The following ADCY8 variants were observed in gnomAD, a reference collection of about 807,000 sequenced individuals.
ADCY8 encodes adenylate cyclase type 8.
In ADCY8, 51 loss-of-function variants were observed where a neutral mutation model predicts 119.7. The observed-to-expected ratio is 0.43, with a 90% CI of 0.34 to 0.54. The LOEUF (loss-of-function observed/expected upper bound fraction) is 0.54. ADCY8 is among the 20% of genes least tolerant of loss of function. The pLI, the probability that ADCY8 is intolerant of heterozygous loss-of-function variation, is 0.03. For missense variants in ADCY8, 1,383 were observed against 1,598.8 expected, an observed-to-expected ratio of 0.87 and a Z score of 2.30; for synonymous variants, 665 against 651.0, an observed-to-expected ratio of 1.02 and a Z score of -0.33.
chr8:131,037,863 G>T (rs1824211886), intron 1 of ADCY8, among the ~76,000 whole-genome samples: 1 of 152,136 alleles, frequency 6.6e-6, no homozygotes, highest in African/African-American at 2.4e-5. Context: ...AGACTTATTT[G>T]TTATATGTAG....
In ADCY8 at chr8:130,864,973, A is replaced by T. The variant is rs180771145; in HGVS notation, c.2210+2873T>A. On this transcript the variant is annotated intron_variant, in intron 9 of 17. Coordinates refer to ENST00000286355, the MANE Select transcript of ADCY8 (RefSeq NM_001115.3). ...ATGAAGTAAATAGATATTTTCTGTG[A>T]GGATTTATATCACTCTGGCTGGGAG... Among the ~76,000 whole-genome samples, 104 of 152,246 alleles carry T rather than the reference A, an allele frequency of 6.8e-4. 1 individual carries two copies. The highest frequency in any genetic ancestry group is 2.4e-3 in the African/African-American group (99 of 41,552).
chr8:130,884,022 G>C (rs1818881222), intron 8 of ADCY8, among the ~76,000 whole-genome samples: 1 of 143,358 alleles, frequency 7.0e-6, no homozygotes, highest in Non-Finnish European at 1.5e-5. Flanking sequence ...GGCAGAGGTG[G>C]AATTCAAATT....
At chr8:130,849,138 C>A (rs532399795) in intron 10 of ADCY8, among the ~76,000 whole-genome samples, 20 of 152,140 alleles carry the variant, frequency 1.3e-4, no homozygotes, top group African/African-American at 4.1e-4. Context: ...TCAGACAGAC[C>A]TTATTATCAA....
At chr8:130,937,782 A>T (rs150153709) in intron 4 of ADCY8, among the ~76,000 whole-genome samples, 1 of 152,178 alleles carries the variant, frequency 6.6e-6, no homozygotes, top group Non-Finnish European at 1.5e-5. Context: ...TTAAAAATCA[A>T]TTGGGCACCT....
intron 12 of ADCY8, among the ~76,000 whole-genome samples, chr8:130,834,830 G>A (rs192749295): frequency 1.6e-4 from 25 of 152,180 alleles, no homozygotes; most frequent in East Asian, 3.9e-4. Context: ...TTATATGTGC[G>A]TGTGTATATA....
intron 15 of ADCY8, among the ~76,000 whole-genome samples, 200 bp downstream of exon 15, chr8:130,800,226 C>T (rs1815728688): frequency 6.6e-6 from 1 of 151,932 alleles, no homozygotes; most frequent in South Asian, 2.1e-4. Context: ...ATTCCTGATC[C>T]CCCAAATAGG....
At chr8:130,831,700 C>T (rs1816839864) in intron 12 of ADCY8, among the ~76,000 whole-genome samples, 1 of 152,142 alleles carries the variant, frequency 6.6e-6, no homozygotes. Context: ...AATTTAACTT[C>T]TTAGAGGTAA....
rs912103835 is a variant in ADCY8, at chr8:131,040,557, G to A, written c.-224C>T. The A allele has an allele frequency of 4.6e-6, 2 of 432,116 alleles. No individual in the cohort carries two copies. Among genetic ancestry groups the A allele is most frequent in the East Asian group, 3.7e-5 (1 of 27,284 alleles). 26.8% of individuals were successfully genotyped at this position (432,116 alleles called of 1,614,324 possible). ...TCGCGGCGGACCTCGGCGTCCTTGC[G>A]TGCTGCTCTCCCGCCAGCCGGCGCA... is the stretch of plus-strand genomic sequence containing the variant. On this transcript the variant is annotated 5_prime_UTR_variant, in exon 1 of 18. The change creates a new upstream start codon in the 5' untranslated region. Transcript: ENST00000286355.
chr8:130,826,700 C>A (rs1816677528), intron 12 of ADCY8, among the ~76,000 whole-genome samples: 2 of 150,832 alleles, frequency 1.3e-5, no homozygotes, highest in African/African-American at 4.9e-5. Context: ...GAAGCCCCTA[C>A]ACATGCTGTT....
chr8:131,010,520 AAG>A (rs1414680472), intron 1 of ADCY8, among the ~76,000 whole-genome samples: 23 of 152,182 alleles, frequency 1.5e-4, no homozygotes, highest in African/African-American at 4.3e-4. Context: ...GAGAAAGAGA[AAG>A]AGAGAAAAAA....
At chr8:130,852,121 C>T (rs1050439229) in intron 9 of ADCY8, among the ~76,000 whole-genome samples, 2 of 152,152 alleles carry the variant, frequency 1.3e-5, no homozygotes, top group South Asian at 2.1e-4. Flanking sequence ...GAGTGCATGG[C>T]ATCATGGCAG....
chr8:131,022,443 G>C (rs980377857), intron 1 of ADCY8, among the ~76,000 whole-genome samples: 3 of 152,130 alleles, frequency 2.0e-5, no homozygotes, highest in African/African-American at 7.2e-5. Flanking sequence ...CCCTGTAAAG[G>C]ACATGAACTC....
At chr8:131,019,835 C>G (rs34526776) in intron 1 of ADCY8, among the ~76,000 whole-genome samples, 27,555 of 92,060 alleles carry the variant, frequency 0.3, 3,122 homozygotes, top group East Asian at 0.49. Flanking sequence ...CTCTCTCTCT[C>G]TCTGTCTGTC....
chr8:130,961,421 A>ATCTTCATAAATCTCTTCATAAATC (rs71304402), intron 2 of ADCY8, among the ~76,000 whole-genome samples: 3 of 149,632 alleles, frequency 2.0e-5, no homozygotes, highest in African/African-American at 4.9e-5. Context: ...TTCTTCATAA[A>ATCTTCATAAATCTCTTCATAAATC]TCTTCATAAA....
At chr8:130,959,305 G>T (rs1821528475) in intron 2 of ADCY8, among the ~76,000 whole-genome samples, 1 of 152,098 alleles carries the variant, frequency 6.6e-6, no homozygotes, top group African/African-American at 2.4e-5. Flanking sequence ...CACCAGAAAT[G>T]TTCATATGGT....
intron 6 of ADCY8, among the ~76,000 whole-genome samples, chr8:130,907,808 G>A (rs1393179406): frequency 6.6e-6 from 1 of 152,158 alleles, no homozygotes; most frequent in Admixed American, 6.5e-5. Context: ...CATATTGTAT[G>A]ATGCTGAGGT....
At chr8:130,826,765 A>G (rs1816679957) in intron 12 of ADCY8, among the ~76,000 whole-genome samples, 1 of 135,472 alleles carries the variant, frequency 7.4e-6, no homozygotes, top group Admixed American at 7.3e-5. Context: ...AGCGGTGGGT[A>G]TTTGGGGTGG....
At chr8:130,899,478 C>T (rs532739571) in intron 7 of ADCY8, among the ~76,000 whole-genome samples, 9 of 152,164 alleles carry the variant, frequency 5.9e-5, no homozygotes, top group East Asian at 1.9e-4. Context: ...TGCTGGCACG[C>T]GCCGGTAATC....
chr8:130,934,793 A>C (rs1297095471), intron 5 of ADCY8, among the ~76,000 whole-genome samples: 2 of 152,200 alleles, frequency 1.3e-5, no homozygotes, highest in African/African-American at 4.8e-5. Context: ...GAGATAGTAG[A>C]GAGGACATCT....
Sources: allele counts gnomAD v4.1 joint callset (sites outside exome capture counted in the v4.1 genomes callset), GRCh38; gene constraint gnomAD v4.1.1; transcripts MANE v1.5; gene names NCBI Gene and HGNC (gene_info 2026-07-23, HGNC 2026-07-21).